The following SMAD3 variants were observed in gnomAD, a reference collection of about 807,000 sequenced individuals.
SMAD3 encodes the protein MAD homolog 3.
In SMAD3, 12 loss-of-function variants were observed where a neutral mutation model predicts 51.8. The observed-to-expected ratio is 0.23, with a 90% CI of 0.15 to 0.38. The LOEUF (loss-of-function observed/expected upper bound fraction) is 0.38. Among genes scored for constraint, SMAD3 ranks in the 10% least tolerant of loss-of-function variants. The probability of loss-of-function intolerance (pLI) is 1.00; values close to 1 mark genes in which losing one functional copy is unlikely to be tolerated. For synonymous variants in SMAD3, 238 were observed against 227.7 expected (o/e 1.05, Z -0.41); for missense variants, 294 against 565.6 (o/e 0.52, Z 4.87).
At chr15:67,121,716 C>T (rs1961267948) in intron 1 of SMAD3, among the ~76,000 whole-genome samples, 1 of 151,874 alleles carries the variant, frequency 6.6e-6, no homozygotes, top group African/African-American at 2.4e-5. Flanking sequence ...CTTTCTAACA[C>T]ATCCATGTAT....
rs115425490 is a variant in SMAD3, at chr15:67,117,043, C to G, written c.207-47852C>G. 9.5e-3 allele frequency among the ~76,000 whole-genome samples: 1,450 copies of G among 152,288 alleles called. 23 individuals carry two copies. The highest frequency in any genetic ancestry group is 0.033 in the African/African-American group (1,376 of 41,552). ...TCATAGCTCCCGGGCCCTCCATCTT[C>G]CCAGCACTGAAACACACACTGAAAA... is the stretch of plus-strand genomic sequence containing the variant. On this transcript the variant is annotated intron_variant, in intron 1 of 8. Coordinates refer to ENST00000327367, the MANE Select transcript of SMAD3 (RefSeq NM_005902.4).
At chr15:67,164,316 GAAAAAAAAAAAAAAA>G (rs59880604) in intron 1 of SMAD3, among the ~76,000 whole-genome samples, 1 of 83,670 alleles carries the variant, frequency 1.2e-5, no homozygotes, top group Non-Finnish European at 2.3e-5. Flanking sequence ...CTCCGTCTCA[GAAAAAAAAAAAAAAA>G]AAAAAAAAAA....
intron 6 of SMAD3, among the ~76,000 whole-genome samples, chr15:67,183,562 G>A (rs1963141810): frequency 1.3e-5 from 2 of 152,122 alleles, no homozygotes; most frequent in African/African-American, 4.8e-5. Context: ...AGGCAGGACA[G>A]GGGACATCCA....
At chr15:67,070,085 A>G (rs1960019663) in intron 1 of SMAD3, among the ~76,000 whole-genome samples, 1 of 152,178 alleles carries the variant, frequency 6.6e-6, no homozygotes, top group South Asian at 2.1e-4. Context: ...AAGGAAAAAG[A>G]TCCTAGTCTT....
intron 1 of SMAD3, among the ~76,000 whole-genome samples, chr15:67,073,668 T>C (rs1960105622): frequency 2.2e-5 from 1 of 44,830 alleles, no homozygotes. Context: ...TACAAGCATT[T>C]TATTTTATTT....
intron 1 of SMAD3, among the ~76,000 whole-genome samples, chr15:67,109,359 C>T (rs566566434): frequency 7.0e-4 from 107 of 152,274 alleles, no homozygotes; most frequent in African/African-American, 2.5e-3. Flanking sequence ...CACTTTAACC[C>T]TCTGGGACTT....
chr15:67,118,527 C>T (rs1595909608), intron 1 of SMAD3, among the ~76,000 whole-genome samples: 2 of 152,078 alleles, frequency 1.3e-5, no homozygotes, highest in Admixed American at 1.3e-4. Flanking sequence ...AGACTAGAAT[C>T]GGGTGAGGGG....
chr15:67,185,569 G>A (rs987648956), intron 7 of SMAD3, among the ~76,000 whole-genome samples: 24 of 152,140 alleles, frequency 1.6e-4, no homozygotes, highest in Admixed American at 5.9e-4. Flanking sequence ...GCATGAGGCC[G>A]TGGAAGGACA....
chr15:67,091,741 A>T (rs1960512843), intron 1 of SMAD3, among the ~76,000 whole-genome samples: 1 of 152,216 alleles, frequency 6.6e-6, no homozygotes, highest in Non-Finnish European at 1.5e-5. Flanking sequence ...CTAGAAGGTA[A>T]TAGCCTTCTA....
At chr15:67,185,019 G>A (rs536027075) in intron 7 of SMAD3, among the ~76,000 whole-genome samples, 155 bp downstream of exon 7, 1 of 152,346 alleles carries the variant, frequency 6.6e-6, no homozygotes, top group East Asian at 1.9e-4. Flanking sequence ...TATGCCCACA[G>A]ATCTAACTGT....
In SMAD3 at chr15:67,191,049, C is replaced by T. The variant is rs982922530; in HGVS notation, c.*513C>T. 4.2e-5 allele frequency: 10 copies of T among 236,724 alleles called. No individual in the cohort carries two copies. Among genetic ancestry groups the T allele is most frequent in the African/African-American group, 2.2e-4 (10 of 45,124 alleles). 14.7% of individuals were successfully genotyped at this position (236,724 alleles called of 1,614,324 possible). On this transcript the variant is annotated 3_prime_UTR_variant, in exon 9 of 9. Coordinates refer to ENST00000327367, the MANE Select transcript of SMAD3 (RefSeq NM_005902.4). Reference sequence around the variant, plus strand: ...TTCCCAGCCCAGCCCCGCCCCGCCCCGCCCCACCACTCCAGCAGACCTTGC... The same window carrying T: ...TTCCCAGCCCAGCCCCGCCCCGCCCTGCCCCACCACTCCAGCAGACCTTGC...
In SMAD3 at chr15:67,170,580, A is replaced by T. The variant is rs1962721215; in HGVS notation, c.634A>T (p.Met212Leu). The change falls in exon 5 of 9, where the codon ATG (methionine) becomes TTG (leucine). Residue 212 changes from methionine (M) to leucine (L), a missense_variant. By Grantham distance (15) the Met-to-Leu change is conservative. This residue lies in a region of SMAD3 where 29 missense variants were observed against 26.7 expected (regional missense o/e 1.09). Coordinates refer to ENST00000327367, the MANE Select transcript of SMAD3 (RefSeq NM_005902.4). The part of the protein sequence containing the change: ...AGSPNLSPNP[M>L]SPAHNNLDLQ... Reference sequence around the variant, plus strand: ...TTCTCCAAACCTATCCCCGAATCCGATGTCCCCAGCACATAATAACTTGGG... The same window carrying T: ...TTCTCCAAACCTATCCCCGAATCCGTTGTCCCCAGCACATAATAACTTGGG... 6.2e-7 allele frequency: 1 copy of T among 1,614,018 alleles called. No individual in the cohort carries two copies. The highest frequency in any genetic ancestry group is 1.3e-5 in the African/African-American group (1 of 75,038).
At position 67,066,453 on chromosome 15, in the gene SMAD3, G is replaced by A. The variant is rs565751726; in HGVS notation, c.206+93G>A. The A allele has an allele frequency of 6.0e-6, 6 of 999,082 alleles. No individual in the cohort carries two copies. In the East Asian group the frequency reaches 1.6e-4, roughly 26 times the overall value. 61.9% of individuals were successfully genotyped at this position (999,082 alleles called of 1,614,324 possible). ...CAGTGGGGCTGGAGATGGGAAGAGG[G>A]AGAGAGAGGGAGGGAGTGAGACTGT... On this transcript the variant is annotated intron_variant, in intron 1 of 8. Transcript: ENST00000327367.
chr15:67,114,877 T>C (rs1961101509), intron 1 of SMAD3, among the ~76,000 whole-genome samples: 1 of 152,220 alleles, frequency 6.6e-6, no homozygotes, highest in Non-Finnish European at 1.5e-5. Context: ...AAGCACTCTC[T>C]GCACAGTCAC....
intron 4 of SMAD3, 55 bp from the exon 5 acceptor site, chr15:67,170,499 G>C: frequency 6.9e-7 from 1 of 1,442,270 alleles, no homozygotes; most frequent in South Asian, 1.1e-5. Flanking sequence ...TTAGTAACTT[G>C]GCTCTCCAGG....
intron 8 of SMAD3, among the ~76,000 whole-genome samples, chr15:67,189,876 G>T (rs548342228): frequency 6.6e-6 from 1 of 152,116 alleles, no homozygotes; most frequent in African/African-American, 2.4e-5. Context: ...AAATAAGGCC[G>T]TAGATGAGAA....
chr15:67,099,141 A>C, intron 1 of SMAD3: 2 of 645,160 alleles, frequency 3.1e-6, no homozygotes, highest in Admixed American at 4.3e-5. Context: ...CATGAGAAGA[A>C]GTAGCCGCTC....
chr15:67,177,590 T>C (rs896737213), intron 5 of SMAD3, among the ~76,000 whole-genome samples: 1 of 151,898 alleles, frequency 6.6e-6, no homozygotes, highest in Admixed American at 6.6e-5. Context: ...ACCCAGCTAA[T>C]TTTTGTATTT....
intron 1 of SMAD3, among the ~76,000 whole-genome samples, chr15:67,116,838 T>C (rs1961146243): frequency 6.6e-6 from 1 of 152,188 alleles, no homozygotes; most frequent in East Asian, 1.9e-4. Context: ...AGCTTTCTGC[T>C]TGATGGTTGT....
Sources: gnomAD v4.1 joint callset for allele counts (sites outside exome capture counted in the v4.1 genomes callset) on GRCh38, gnomAD v4.1.1 for gene constraint, gnomAD v4.1.1 regional missense constraint, MANE v1.5 for transcripts, NCBI Gene and HGNC (gene_info 2026-07-23, HGNC 2026-07-21) for gene names.